The following PODXL variants were observed in gnomAD, a reference collection of about 807,000 sequenced individuals.
PODXL encodes podocalyxin like.
PODXL carries 20 observed loss-of-function variants against 48.9 expected under a neutral mutation model. The observed-to-expected ratio is 0.41, with a 90% CI of 0.29 to 0.59. The LOEUF is 0.59. Ranked by LOEUF, PODXL falls within the 20% of genes least tolerant of loss-of-function variation. The pLI, the probability that PODXL is intolerant of heterozygous loss-of-function variation, is 0.31. For synonymous variants in PODXL, 295 were observed against 287.4 expected (o/e 1.03, Z -0.27); for missense variants, 606 against 675.1 (o/e 0.90, Z 1.13).
chr7:131,533,561 C>T (rs542173519), intron 1 of PODXL, among the ~76,000 whole-genome samples: 21 of 152,308 alleles, frequency 1.4e-4, no homozygotes, highest in Non-Finnish European at 2.5e-4. Context: ...GGGCAGCCTT[C>T]GCTTGGGTGC....
chr7:131,520,934 G>C (rs1230801291), intron 1 of PODXL, among the ~76,000 whole-genome samples: 1 of 152,232 alleles, frequency 6.6e-6, no homozygotes, highest in African/African-American at 2.4e-5. Flanking sequence ...TTGGGAGGCT[G>C]AGGCGGGCCG....
At chr7:131,518,540 C>T (rs991821989) in intron 1 of PODXL, among the ~76,000 whole-genome samples, 5 of 152,128 alleles carry the variant, frequency 3.3e-5, no homozygotes, top group African/African-American at 1.2e-4. Flanking sequence ...AGAGGTCTTT[C>T]CATTTACTTT....
intron 1 of PODXL, among the ~76,000 whole-genome samples, chr7:131,554,413 T>G (rs993881373): frequency 1.3e-5 from 2 of 152,216 alleles, no homozygotes; most frequent in Non-Finnish European, 2.9e-5. Flanking sequence ...AGTGCTCAGA[T>G]AGGCCAAGTT....
intron 5 of PODXL, 113 bp from the exon 6 acceptor site, chr7:131,506,839 C>A (rs780153396): frequency 8.5e-7 from 1 of 1,174,934 alleles, no homozygotes; most frequent in East Asian, 2.4e-5. Flanking sequence ...CTAGAACCTG[C>A]CTCCCTCTCT....
intron 1 of PODXL, 42 bp from the exon 2 acceptor site, chr7:131,511,475 G>A: frequency 6.3e-7 from 1 of 1,591,016 alleles, no homozygotes; most frequent in African/African-American, 1.3e-5. Flanking sequence ...GGGCTGGGAG[G>A]CTTCCTCACC....
intron 1 of PODXL, among the ~76,000 whole-genome samples, chr7:131,531,691 T>C (rs1200167582): frequency 5.9e-5 from 9 of 152,130 alleles, no homozygotes; most frequent in Non-Finnish European, 1.3e-4. Flanking sequence ...ATGGCCACCT[T>C]CTCTATGTGC....
At chr7:131,533,879 C>G (rs1284949231) in intron 1 of PODXL, among the ~76,000 whole-genome samples, 1 of 152,230 alleles carries the variant, frequency 6.6e-6, no homozygotes, top group African/African-American at 2.4e-5. Context: ...ACATAAATGT[C>G]TGAATGCTGT....
intron 1 of PODXL, among the ~76,000 whole-genome samples, 153 bp downstream of exon 1, chr7:131,556,107 T>C (rs1798737427): frequency 6.6e-6 from 1 of 152,250 alleles, no homozygotes; most frequent in South Asian, 2.1e-4. Flanking sequence ...GGGGCGTGGA[T>C]GGTGCAAGGT....
intron 1 of PODXL, chr7:131,520,200 C>G: frequency 2.9e-6 from 1 of 346,866 alleles, no homozygotes; most frequent in South Asian, 2.8e-5. Flanking sequence ...GGTGGTGACC[C>G]GAGAATGCAC....
At chr7:131,511,606 TTCTG>T (rs1166781621) in intron 1 of PODXL, among the ~76,000 whole-genome samples, 173 bp from the exon 2 acceptor site, 1 of 152,092 alleles carries the variant, frequency 6.6e-6, no homozygotes, top group Non-Finnish European at 1.5e-5. Context: ...AACCTCTTTT[TTCTG>T]TCTTTTTTTT....
intron 8 of PODXL, 37 bp downstream of exon 8, chr7:131,505,831 G>A (rs1360665021): frequency 7.2e-6 from 11 of 1,529,934 alleles, no homozygotes; most frequent in Admixed American, 6.0e-5. Flanking sequence ...TGGTGACCTG[G>A]GCTGCTTCCC....
rs753802905 is a variant in PODXL, at chr7:131,501,903, AAC to A, written c.*2406_*2407del. The A allele has an allele frequency of 2.2e-4, 34 of 152,358 alleles. No individual in the cohort carries two copies. The highest frequency in any genetic ancestry group is 7.9e-4 in the African/African-American group (33 of 41,560). 9.4% of individuals were successfully genotyped at this position (152,358 alleles called of 1,614,324 possible). ...TCTGAAGCTGTCCTAAGCCTAGACT[AAC>A]ACAGTTTGGACGAATATAAAGCAGT... On this transcript the variant is annotated 3_prime_UTR_variant, in exon 9 of 9. Transcript: ENST00000378555.
intron 1 of PODXL, among the ~76,000 whole-genome samples, chr7:131,537,717 C>T (rs553278934): frequency 6.6e-6 from 1 of 152,158 alleles, no homozygotes; most frequent in African/African-American, 2.4e-5. Context: ...CTCAGAAGCC[C>T]TGCCTGTGTT....
intron 1 of PODXL, among the ~76,000 whole-genome samples, chr7:131,524,379 C>CACAGAGACAGAGAGAGAGAG (rs746255906): frequency 1.9e-5 from 2 of 104,052 alleles, no homozygotes; most frequent in Non-Finnish European, 4.5e-5. Flanking sequence ...CACACACACA[C>CACAGAGACAGAGAGAGAGAG]AGAGAGAGAG....
rs748347718 is a variant in PODXL, at chr7:131,504,382, C to T, written c.1606G>A (p.Asp536Asn). Reference protein sequence around the residue: ...KVVSLNGELGDSWIVPLDNLT... With the variant: ...KVVSLNGELGNSWIVPLDNLT... ...TTGTCCAGAGGGACGATCCAGCTGT[C>T]CCCCAGCTCCCCGTTGAGGCTGACC... Residue 536 changes from aspartate to asparagine, a missense_variant, in exon 9 of 9, where the codon GAC becomes AAC. Transcript: ENST00000378555. The T allele has an allele frequency of 3.7e-6, 6 of 1,614,044 alleles. No individual in the cohort carries two copies. The highest frequency in any genetic ancestry group is 5.1e-6 in the Non-Finnish European group (6 of 1,180,014).
At position 131,504,200 on chromosome 7, in the gene PODXL, C is replaced by T. The variant is rs1797758725; in HGVS notation, c.*111G>A. ...GCCCTGGGGGGATTGGGAGGGGACA[C>T]CCCTCGGAGTTCACTCTCCCTCCCC... On this transcript the variant is annotated 3_prime_UTR_variant, in exon 9 of 9. Transcript: ENST00000378555. 2.2e-5 allele frequency: 18 copies of T among 823,906 alleles called. No homozygotes were observed. In the Admixed American group the frequency reaches 2.2e-4, roughly 10 times the overall value. 51.0% of individuals were successfully genotyped at this position (823,906 alleles called of 1,614,324 possible). A position where few individuals can be genotyped will look rare whatever the true frequency, so the allele number is the denominator to read the frequency against.
rs750905890 is a variant in PODXL at position 131,509,489 on chromosome 7, C to A, written c.899G>T (p.Ser300Ile). 6.8e-6 allele frequency: 11 copies of A among 1,613,690 alleles called. No homozygotes were observed. The African/African-American group carries it at 1.3e-4, about 20-fold the overall frequency. ...AGGTGTTCTCAATGCCGTTGCCGGG[C>A]TCGTGGGCTGCACTGTCTCCTGGGA... ...PSSQETVQPT[S>I]PATALRTPTL... The change falls in exon 4 of 9, where the codon AGC becomes ATC. Residue 300 changes from serine to isoleucine, a missense_variant. Coordinates refer to ENST00000378555, the MANE Select transcript of PODXL (RefSeq NM_001018111.3).
intron 1 of PODXL, among the ~76,000 whole-genome samples, chr7:131,536,212 C>T (rs568061786): frequency 6.6e-6 from 1 of 152,286 alleles, no homozygotes; most frequent in Admixed American, 6.5e-5. Flanking sequence ...AGGAAAATAC[C>T]TAAGCTGTCA....
rs58722955 is a variant in PODXL at position 131,516,736 on chromosome 7, CT to C, written c.101-5304del. ...CTTTGACTGTGGTGCTTTTTTTTCT[CT>C]TTTTTTTTTTTTTTTTGAGACAGGG... On this transcript the variant is annotated intron_variant, in intron 1 of 8. Transcript: ENST00000378555. Among the ~76,000 whole-genome samples the C allele has an allele frequency of 3.0e-3, 375 of 125,600 alleles. 2 individuals are homozygous for C. Among genetic ancestry groups the C allele is most frequent in the Middle Eastern group, 9.3e-3 (2 of 216 alleles). 82.4% of individuals were successfully genotyped at this position (125,600 alleles called of 152,430 possible).
Sources: gnomAD v4.1 joint callset for allele counts (sites outside exome capture counted in the v4.1 genomes callset) on GRCh38, gnomAD v4.1.1 for gene constraint, MANE v1.5 for transcripts, NCBI Gene and HGNC (gene_info 2026-07-23, HGNC 2026-07-21) for gene names.